The following ATP2B2 variants were observed in gnomAD, a reference collection of about 807,000 sequenced individuals.
The protein encoded by ATP2B2 is ATPase plasma membrane Ca2+ transporting 2.
In ATP2B2, 15 loss-of-function variants were observed where a neutral mutation model predicts 120.0. The ratio of observed to expected loss-of-function variants is 0.12; its 90% CI spans 0.08 to 0.19. The LOEUF is 0.19. Among genes scored for constraint, ATP2B2 ranks in the 10% least tolerant of loss-of-function variants. The pLI, the probability that ATP2B2 is intolerant of heterozygous loss-of-function variation, is 1.00. For missense variants in ATP2B2, 1,045 were observed against 1,719.8 expected, an observed-to-expected ratio of 0.61 and a Z score of 6.94; for synonymous variants, 694 against 700.3, an observed-to-expected ratio of 0.99 and a Z score of 0.14.
At chr3:10,379,977 G>T (rs1221377587) in intron 8 of ATP2B2, among the ~76,000 whole-genome samples, 6 of 152,134 alleles carry the variant, frequency 3.9e-5, no homozygotes, top group African/African-American at 1.4e-4. Context: ...AGTGATCAGG[G>T]GTCCCCATGG....
intron 1 of ATP2B2, among the ~76,000 whole-genome samples, chr3:10,647,201 C>A (rs139251694): frequency 6.6e-6 from 1 of 152,000 alleles, no homozygotes; most frequent in Admixed American, 6.5e-5. Context: ...TAGGTGAAGA[C>A]AAGAAGGCAT....
intron 1 of ATP2B2, among the ~76,000 whole-genome samples, chr3:10,683,760 G>GTGTGTGTGTGTATATA (rs1446781892): frequency 1.1e-4 from 6 of 53,912 alleles, no homozygotes; most frequent in Admixed American, 4.9e-4. Flanking sequence ...GTGTGTGTGT[G>GTGTGTGTGTGTATATA]TATATATATA....
At chr3:10,648,616 C>T (rs372838179) in intron 1 of ATP2B2, among the ~76,000 whole-genome samples, 1 of 152,212 alleles carries the variant, frequency 6.6e-6, no homozygotes, top group Non-Finnish European at 1.5e-5. Flanking sequence ...AAGCCGACCT[C>T]AGGACTCCCA....
chr3:10,402,402 T>C lies in ATP2B2; in HGVS notation c.398-54A>G. 7.5e-6 allele frequency: 12 copies of C among 1,605,422 alleles called. No homozygotes were observed. The South Asian group carries it at 1.2e-4, about 16-fold the overall frequency. ...TGAGGTCAACCAGACAGGAGAGGCC[T>C]CATGGGCCTGGATTTACAGCTCAGC... On this transcript the variant is annotated intron_variant, in intron 3 of 22. Coordinates refer to ENST00000360273, the MANE Select transcript of ATP2B2 (RefSeq NM_001001331.4). This position sits in a 1 kb window ranked among gnomAD's most constrained non-coding sequence, Gnocchi z 4.9.
chr3:10,624,284 C>G (rs4684728), intron 1 of ATP2B2, among the ~76,000 whole-genome samples: 36,213 of 152,002 alleles, frequency 0.24, 4,721 homozygotes, highest in East Asian at 0.52. Flanking sequence ...GTAAGTCTAA[C>G]GTGTGGAATT....
chr3:10,345,167 C>G (rs898543245), intron 18 of ATP2B2, among the ~76,000 whole-genome samples: 2 of 152,156 alleles, frequency 1.3e-5, no homozygotes, highest in African/African-American at 4.8e-5. Context: ...ACAAGTCACG[C>G]CACCTCTCTG....
intron 12 of ATP2B2, among the ~76,000 whole-genome samples, chr3:10,368,628 C>G (rs56220125): frequency 0.11 from 17,441 of 151,848 alleles, 1,420 homozygotes; most frequent in East Asian, 0.34. Context: ...ATTTACCAAC[C>G]ATCACATCCA....
intron 1 of ATP2B2, among the ~76,000 whole-genome samples, chr3:10,457,476 G>A (rs1393444208): frequency 6.6e-6 from 1 of 151,852 alleles, no homozygotes; most frequent in Non-Finnish European, 1.5e-5. Flanking sequence ...TGATGTATCA[G>A]TGGACATGTG....
Position 10,526,554 on chromosome 3 carries a change from T to C in ATP2B2, c.-320+7485A>G, listed in dbSNP as rs528258338. ...CACGGGGACAAGGTAGCCTCCAACC[T>C]GGGCTGTCTGCTGGCTCAACCTCTT... On this transcript the variant is annotated intron_variant, in intron 3 of 21. Coordinates refer to the ATP2B2 transcript ENST00000646379. Among the ~76,000 whole-genome samples the C allele has an allele frequency of 3.3e-5, 5 of 152,266 alleles. No homozygotes were observed. The South Asian group carries it at 1.0e-3, about 32-fold the overall frequency.
chr3:10,393,041 G>A (rs963397241), intron 5 of ATP2B2, among the ~76,000 whole-genome samples: 2 of 152,236 alleles, frequency 1.3e-5, no homozygotes, highest in African/African-American at 4.8e-5. Flanking sequence ...AGACATGGTG[G>A]GGTGTCAACT....
intron 1 of ATP2B2, among the ~76,000 whole-genome samples, chr3:10,487,686 G>T (rs1166463074): frequency 6.6e-6 from 1 of 152,192 alleles, no homozygotes; most frequent in Non-Finnish European, 1.5e-5. Context: ...GAGGATGAGG[G>T]GTTAGACAGC....
chr3:10,504,145 C>T (rs576520834), intron 1 of ATP2B2, among the ~76,000 whole-genome samples: 1 of 152,068 alleles, frequency 6.6e-6, no homozygotes, highest in Non-Finnish European at 1.5e-5. Context: ...ATAATGGTGG[C>T]CATCAGCATC....
rs1018279606 is a variant in ATP2B2, at chr3:10,328,383, A to G, written c.*431T>C. 2 of 180,652 alleles carry G rather than the reference A, an allele frequency of 1.1e-5. No individual in the cohort carries two copies. The highest frequency in any genetic ancestry group is 2.4e-5 in the African/African-American group (1 of 42,014). 11.2% of individuals were successfully genotyped at this position (180,652 alleles called of 1,614,324 possible). ...GATTGGATAAATAGTCTCAGAAAAG[A>G]GTCTGTTTGCAGTTCCCGCCTAAGA... On this transcript the variant is annotated 3_prime_UTR_variant, in exon 23 of 23. Transcript: ENST00000360273.
intron 1 of ATP2B2, among the ~76,000 whole-genome samples, chr3:10,641,390 C>T (rs1438540800): frequency 6.6e-6 from 1 of 152,186 alleles, no homozygotes; most frequent in East Asian, 1.9e-4. Context: ...TCTCATCTCA[C>T]ATGGACAGCT....
intron 2 of ATP2B2, among the ~76,000 whole-genome samples, chr3:10,426,387 G>T: frequency 6.6e-6 from 1 of 152,328 alleles, no homozygotes; most frequent in Middle Eastern, 3.4e-3. Flanking sequence ...GGAGTGGTCA[G>T]TGCTTAACTC....
intron 1 of ATP2B2, among the ~76,000 whole-genome samples, chr3:10,700,944 C>A (rs1251522102): frequency 5.3e-5 from 8 of 152,226 alleles, no homozygotes. Context: ...TGACACATGT[C>A]ACTTTTCAAA....
At chr3:10,504,717 G>T (rs564375999) in intron 1 of ATP2B2, among the ~76,000 whole-genome samples, 1 of 152,154 alleles carries the variant, frequency 6.6e-6, no homozygotes, top group Admixed American at 6.5e-5. Flanking sequence ...CCTGCAGGGG[G>T]CAGGGAGGAG....
At chr3:10,594,712 A>ATAG (rs1553636505) in intron 2 of ATP2B2, among the ~76,000 whole-genome samples, 26 of 5,098 alleles carry the variant, frequency 5.1e-3, no homozygotes, top group Admixed American at 0.048. Context: ...AACTTAAAGT[A>ATAG]TAATAATAAT....
chr3:10,494,651 CA>C (rs1417019773), intron 1 of ATP2B2, among the ~76,000 whole-genome samples: 1 of 152,216 alleles, frequency 6.6e-6, no homozygotes, highest in Non-Finnish European at 1.5e-5. Flanking sequence ...GACCAGCACC[CA>C]ATCATGTTCT....
Sources: gnomAD v4.1 joint callset for allele counts (sites outside exome capture counted in the v4.1 genomes callset) on GRCh38, gnomAD v4.1.1 for gene constraint, Gnocchi (gnomAD v3.1) non-coding constraint, MANE v1.5 for transcripts, NCBI Gene and HGNC (gene_info 2026-07-23, HGNC 2026-07-21) for gene names.